Variants in PRRT1B observed in about 807,000 individuals in gnomAD.
PRRT1B encodes dispanin subfamily D member 2.
exon 1 of PRRT1B, chr9:131,545,584 C>T: frequency 7.5e-6 from 3 of 397,986 alleles, no homozygotes; most frequent in Admixed American, 4.4e-5. Flanking sequence ...CAGGGAGCCG[C>T]GCAGCCCTTG....
At chr9:131,556,267 G>A (rs550572449) in intron 3 of PRRT1B, 54 bp downstream of exon 3, 97 of 400,308 alleles carry the variant, frequency 2.4e-4, no homozygotes, top group African/African-American at 1.6e-3. Context: ...AGCCACTGGC[G>A]CCCCAGTGGG....
chr9:131,547,234 G>A (rs1050491301), intron 1 of PRRT1B, among the ~76,000 whole-genome samples: 7 of 152,144 alleles, frequency 4.6e-5, no homozygotes, highest in African/African-American at 1.7e-4. Context: ...CCGAGCCAAA[G>A]CTAAGCCATC....
chr9:131,558,245 G>A (rs947674308), exon 4 of PRRT1B: 13 of 400,924 alleles, frequency 3.2e-5, no homozygotes, highest in South Asian at 1.3e-4. Context: ...GAATGTCCAC[G>A]GAAAACTGGC....
chr9:131,545,677 G>A (rs1950968891), intron 1 of PRRT1B, 37 bp downstream of exon 1: 2 of 318,478 alleles, frequency 6.3e-6, no homozygotes, highest in Non-Finnish European at 1.0e-5. Flanking sequence ...ACAGGTACTG[G>A]CGGGGCAGGT....
chr9:131,550,431 C>T (rs926724104), intron 1 of PRRT1B, among the ~76,000 whole-genome samples: 24 of 152,194 alleles, frequency 1.6e-4, no homozygotes, highest in Non-Finnish European at 2.9e-5. Context: ...GCTGTACTGC[C>T]ACAAGGCTTC....
At chr9:131,557,513 G>A (rs376015752) in intron 3 of PRRT1B, among the ~76,000 whole-genome samples, 3 of 152,212 alleles carry the variant, frequency 2.0e-5, no homozygotes, top group African/African-American at 7.2e-5. Flanking sequence ...ACTCTAGCCT[G>A]TGAGACGGAG....
chr9:131,555,226 G>A (rs1405415235), intron 2 of PRRT1B, among the ~76,000 whole-genome samples, 197 bp downstream of exon 2: 3 of 152,122 alleles, frequency 2.0e-5, no homozygotes, highest in African/African-American at 4.8e-5. Flanking sequence ...CGGGCGCCCT[G>A]GACAGAGGAC....
intron 1 of PRRT1B, among the ~76,000 whole-genome samples, 173 bp downstream of exon 1, chr9:131,545,813 C>G (rs1414363364): frequency 2.1e-5 from 3 of 144,786 alleles, no homozygotes; most frequent in African/African-American, 5.2e-5. Context: ...ACCAGAGGGT[C>G]GGCTGCTGGA....
chr9:131,555,159 G>A (rs1791248801), intron 2 of PRRT1B, 130 bp downstream of exon 2: 2 of 380,440 alleles, frequency 5.3e-6, no homozygotes, highest in Non-Finnish European at 9.3e-6. Flanking sequence ...CCTGGAGGTG[G>A]GGGCATTTGA....
intron 1 of PRRT1B, among the ~76,000 whole-genome samples, chr9:131,546,981 G>A (rs1950979961): frequency 6.6e-6 from 1 of 151,742 alleles, no homozygotes; most frequent in African/African-American, 2.4e-5. Context: ...TTAGTAAAAT[G>A]GGGAGCATAA....
chr9:131,551,127 A>T lies in PRRT1B; in HGVS notation c.26-3430A>T, dbSNP rs1237071659. 6.6e-6 allele frequency among the ~76,000 whole-genome samples: 1 copy of T among 151,676 alleles called. No homozygotes were observed. The highest frequency in any genetic ancestry group is 1.5e-5 in the Non-Finnish European group (1 of 67,934). ...TCCGCTAATTTTTTGTATTTTTAGT[A>T]GAGACGGGGTTACACCGTGTTAGCC... On this transcript the variant is annotated intron_variant, in intron 1 of 3. Transcript: ENST00000636672. This position sits in a 1 kb window ranked among gnomAD's most constrained non-coding sequence, Gnocchi z 4.4.
chr9:131,558,818 C>T (rs531038516), downstream of PRRT1B, among the ~76,000 whole-genome samples: 9 of 152,304 alleles, frequency 5.9e-5, no homozygotes, highest in East Asian at 7.7e-4. Flanking sequence ...GTGACACATC[C>T]GTGCGGAGCT....
exon 4 of PRRT1B, chr9:131,558,473 C>A (rs1374589750): frequency 3.1e-6 from 1 of 317,696 alleles, no homozygotes; most frequent in Admixed American, 5.0e-5. Flanking sequence ...GGGACAGGAG[C>A]CCACCAGAGC....
intron 2 of PRRT1B, 64 bp downstream of exon 2, chr9:131,555,093 G>T (rs994947052): frequency 2.4e-5 from 4 of 165,952 alleles, no homozygotes; most frequent in Admixed American, 1.2e-4. Context: ...GGGGGCGCCC[G>T]TGCGGAGGCC....
At chr9:131,558,176 G>C (rs185853954) in exon 4 of PRRT1B, 1 of 401,032 alleles carries the variant, frequency 2.5e-6, no homozygotes, top group Middle Eastern at 3.1e-4. Flanking sequence ...GGTCATCTAC[G>C]TGGTGGTGGC....
At position 131,545,768 on chromosome 9, in the gene PRRT1B, C is replaced by T. The variant is rs1279198677; in HGVS notation, c.25+128C>T. The T allele has an allele frequency of 5.4e-3, 1,753 of 323,582 alleles. 17 individuals carry two copies. The highest frequency in any genetic ancestry group is 2.8e-3 in the Non-Finnish European group (530 of 192,682). The allele number at this position is 323,582 out of a possible 1,614,324, so 20.0% of individuals were successfully genotyped here. A position where few individuals can be genotyped will look rare whatever the true frequency, so the allele number is the denominator to read the frequency against. On this transcript the variant is annotated intron_variant, in intron 1 of 3. Transcript: ENST00000636672. ...CAGGTGCTGGCGGGGCAGGTGCTGGCGGAGCGGGTGCTGGAGGGGGTGTAA... is the reference window on the plus strand; with the variant it reads ...CAGGTGCTGGCGGGGCAGGTGCTGGTGGAGCGGGTGCTGGAGGGGGTGTAA...
chr9:131,547,662 G>A (rs1231849639), intron 1 of PRRT1B, among the ~76,000 whole-genome samples: 7 of 152,192 alleles, frequency 4.6e-5, no homozygotes, highest in African/African-American at 1.4e-4. Context: ...TCCCTTGGGA[G>A]ATCAATCCCC....
intron 1 of PRRT1B, 126 bp downstream of exon 1, chr9:131,545,766 G>A: frequency 2.5e-6 from 1 of 403,992 alleles, no homozygotes; most frequent in South Asian, 1.2e-4. Context: ...GGCAGGTGCT[G>A]GCGGAGCGGG....
intron 1 of PRRT1B, 84 bp from the exon 2 acceptor site, chr9:131,554,473 C>T: frequency 2.7e-6 from 1 of 366,164 alleles, no homozygotes; most frequent in Non-Finnish European, 4.9e-6. Context: ...GGGCTGGGAG[C>T]TTGGTTCGTG....
Sources: gnomAD v4.1 joint callset for allele counts (sites outside exome capture counted in the v4.1 genomes callset) on GRCh38, gnomAD v4.1.1 for gene constraint, Gnocchi (gnomAD v3.1) non-coding constraint, MANE v1.5 for transcripts, NCBI Gene and HGNC (gene_info 2026-07-23, HGNC 2026-07-21) for gene names.